ROBO2: variants seen among roughly 807,000 people sequenced by gnomAD.
ROBO2 encodes roundabout guidance receptor 2.
A neutral mutation model predicts 160.8 loss-of-function variants in ROBO2; 53 were observed. That is an observed-to-expected ratio of 0.33 (90% CI 0.26 to 0.41). The LOEUF (loss-of-function observed/expected upper bound fraction) is 0.41. Ranked by LOEUF, ROBO2 falls within the 10% of genes least tolerant of loss-of-function variation. The pLI, the probability that ROBO2 is intolerant of heterozygous loss-of-function variation, is 1.00. For missense variants in ROBO2, 1,577 were observed against 1,722.4 expected, an observed-to-expected ratio of 0.92 and a Z score of 1.49; for synonymous variants, 664 against 611.7, an observed-to-expected ratio of 1.09 and a Z score of -1.26.
At chr3:76,746,295 C>T (rs1291526407) in intron 2 of ROBO2, among the ~76,000 whole-genome samples, 10 of 151,678 alleles carry the variant, frequency 6.6e-5, no homozygotes, top group South Asian at 4.2e-4. Context: ...AATAAACATA[C>T]GTGTGCGTGT....
chr3:76,641,707 G>A (rs1476132525), intron 2 of ROBO2, among the ~76,000 whole-genome samples: 3 of 152,064 alleles, frequency 2.0e-5, no homozygotes, highest in African/African-American at 7.2e-5. Context: ...TTAACTTCTT[G>A]GTCTGGATAA....
At chr3:75,995,578 G>C (rs1257419726) in intron 2 of ROBO2, among the ~76,000 whole-genome samples, 2 of 152,166 alleles carry the variant, frequency 1.3e-5, no homozygotes, top group Non-Finnish European at 2.9e-5. Flanking sequence ...AGGGAAACAT[G>C]GGGTTGGAGC....
chr3:76,247,901 C>A (rs1333646028), intron 2 of ROBO2, among the ~76,000 whole-genome samples: 1 of 151,810 alleles, frequency 6.6e-6, no homozygotes, highest in African/African-American at 2.4e-5. Flanking sequence ...TGCTCACCAT[C>A]ACTGGCCATC....
At chr3:77,227,660 A>C (rs948154167) in intron 2 of ROBO2, among the ~76,000 whole-genome samples, 28 of 152,240 alleles carry the variant, frequency 1.8e-4, no homozygotes, top group Admixed American at 1.2e-3. Flanking sequence ...AGTGTCTACA[A>C]GTGAAAACTT....
At chr3:77,426,294 T>C (rs941696229) in intron 2 of ROBO2, among the ~76,000 whole-genome samples, 1 of 152,040 alleles carries the variant, frequency 6.6e-6, no homozygotes, top group African/African-American at 2.4e-5. Context: ...GGTTTCTAAC[T>C]TGAACAACAG....
chr3:76,834,354 ATTAT>A (rs1388481223), intron 2 of ROBO2, among the ~76,000 whole-genome samples: 1 of 151,212 alleles, frequency 6.6e-6, no homozygotes, highest in Non-Finnish European at 1.5e-5. Context: ...TGCCCTGCTA[ATTAT>A]TTATTTATTT....
chr3:76,538,573 C>G (rs541430923), intron 2 of ROBO2, among the ~76,000 whole-genome samples: 6 of 152,194 alleles, frequency 3.9e-5, no homozygotes, highest in African/African-American at 1.4e-4. Flanking sequence ...GTGTGAAAAC[C>G]AATTGTTTTT....
At chr3:76,009,369 C>T (rs542608616) in intron 2 of ROBO2, among the ~76,000 whole-genome samples, 1 of 152,322 alleles carries the variant, frequency 6.6e-6, no homozygotes, top group Non-Finnish European at 1.5e-5. Flanking sequence ...TCCCAAAGTG[C>T]TGGGATTACA....
rs191229727 is a variant in ROBO2 at position 76,722,253 on chromosome 3, C to T, written c.110-375761C>T. Among the ~76,000 whole-genome samples the T allele has an allele frequency of 2.9e-4, 44 of 152,028 alleles. No homozygotes were observed. The South Asian group carries it at 5.2e-3, about 18-fold the overall frequency. On this transcript the variant is annotated intron_variant, in intron 2 of 26. Transcript: ENST00000487694. ...CTTCTGCCTCAGTCTCCCAAGTAGC[C>T]GGGATTACAGGTGCCTGCCACCCAC...
At chr3:76,193,237 T>A (rs1268613092) in intron 2 of ROBO2, among the ~76,000 whole-genome samples, 1 of 152,178 alleles carries the variant, frequency 6.6e-6, no homozygotes, top group Non-Finnish European at 1.5e-5. Flanking sequence ...CCAATTAAAG[T>A]CTTTGTATTT....
intron 2 of ROBO2, among the ~76,000 whole-genome samples, chr3:76,406,848 A>G (rs2075214180): frequency 6.6e-6 from 1 of 151,904 alleles, no homozygotes; most frequent in Non-Finnish European, 1.5e-5. Context: ...TTTCATACAT[A>G]TAGTCAAGAA....
At chr3:77,314,674 G>C (rs561799397) in intron 2 of ROBO2, among the ~76,000 whole-genome samples, 28 of 152,272 alleles carry the variant, frequency 1.8e-4, no homozygotes, top group Non-Finnish European at 8.8e-5. Flanking sequence ...AGGGTTGACA[G>C]GGAAGTGTTA....
intron 20 of ROBO2, among the ~76,000 whole-genome samples, 179 bp downstream of exon 21, chr3:77,602,670 A>ACCACCG (rs2094454143): frequency 8.6e-6 from 1 of 116,032 alleles, no homozygotes; most frequent in Admixed American, 9.2e-5. Flanking sequence ...CGCCACCACC[A>ACCACCG]CCACCACCAC....
At chr3:76,718,815 AT>A (rs1431206757) in intron 2 of ROBO2, among the ~76,000 whole-genome samples, 1 of 152,242 alleles carries the variant, frequency 6.6e-6, no homozygotes, top group African/African-American at 2.4e-5. Context: ...TAAGGACTTT[AT>A]TCACTTGAAA....
intron 2 of ROBO2, among the ~76,000 whole-genome samples, chr3:76,397,919 A>G (rs1399592751): frequency 1.3e-5 from 2 of 152,022 alleles, no homozygotes; most frequent in Non-Finnish European, 2.9e-5. Flanking sequence ...CAGTGTGGCG[A>G]TTCCTCAGGG....
intron 2 of ROBO2, among the ~76,000 whole-genome samples, chr3:76,920,372 T>G (rs1559704529): frequency 6.6e-6 from 1 of 152,158 alleles, no homozygotes. Flanking sequence ...AAATTTCAAC[T>G]AGAAAGGAAA....
intron 2 of ROBO2, among the ~76,000 whole-genome samples, chr3:76,290,369 G>A (rs1394539817): frequency 6.6e-6 from 1 of 152,082 alleles, no homozygotes. Flanking sequence ...CATTGATTTT[G>A]TATCCTGAAA....
chr3:77,523,136 C>T (rs745540794), intron 6 of ROBO2, among the ~76,000 whole-genome samples: 4 of 151,096 alleles, frequency 2.6e-5, no homozygotes, highest in South Asian at 2.1e-4. Context: ...TATGGTTTAA[C>T]GTTAATAGTT....
At chr3:76,735,786 A>AGGGC (rs1709596295) in intron 2 of ROBO2, among the ~76,000 whole-genome samples, 1 of 126,600 alleles carries the variant, frequency 7.9e-6, no homozygotes, top group Non-Finnish European at 1.6e-5. Context: ...GAAAAAAAAA[A>AGGGC]GGGGAAAGGG....
Sources: gnomAD v4.1 joint callset for allele counts (sites outside exome capture counted in the v4.1 genomes callset) on GRCh38, gnomAD v4.1.1 for gene constraint, MANE v1.5 for transcripts, NCBI Gene and HGNC (gene_info 2026-07-23, HGNC 2026-07-21) for gene names.